Variants in ST3GAL5 observed in about 807,000 individuals in gnomAD.
ST3GAL5 encodes the protein ST3 beta-galactoside alpha-2,3-sialyltransferase 5.
In ST3GAL5, 25 loss-of-function variants were observed where a neutral mutation model predicts 46.1. The observed-to-expected ratio is 0.54, with a 90% CI of 0.40 to 0.76. The LOEUF (loss-of-function observed/expected upper bound fraction) is 0.76. Ranked by LOEUF, ST3GAL5 falls within the 30% of genes least tolerant of loss-of-function variation. The probability of loss-of-function intolerance (pLI) is 0.00; values close to 1 mark genes in which losing one functional copy is unlikely to be tolerated. For missense variants in ST3GAL5, 431 were observed against 521.2 expected, an observed-to-expected ratio of 0.83 and a Z score of 1.69; for synonymous variants, 182 against 192.7, an observed-to-expected ratio of 0.94 and a Z score of 0.46.
At chr2:85,880,402 A>G (rs1264138199) in intron 1 of ST3GAL5, among the ~76,000 whole-genome samples, 1 of 152,268 alleles carries the variant, frequency 6.6e-6, no homozygotes, top group African/African-American at 2.4e-5. Context: ...AAATTCTGGG[A>G]AACCAGCATT....
intron 3 of ST3GAL5, chr2:85,850,322 G>A (rs2103975349): frequency 6.6e-6 from 1 of 152,346 alleles, no homozygotes. Context: ...GGTCTGAGCT[G>A]GCCCAGCAAA....
At chr2:85,874,509 C>A (rs1189621146) in intron 1 of ST3GAL5, among the ~76,000 whole-genome samples, 1 of 152,078 alleles carries the variant, frequency 6.6e-6, no homozygotes, top group Non-Finnish European at 1.5e-5. Context: ...TCCCTCCCCA[C>A]CATCTCCGTT....
rs1046421806 is a variant in ST3GAL5 at position 85,837,458 on chromosome 2, T to C, written c.*2686A>G. ...AAGGGTAGGGGGAAATGAAGAGAGG[T>C]TGATTAATGGGTACAAACATACAGT... On this transcript the variant is annotated 3_prime_UTR_variant, in exon 7 of 7. Coordinates refer to ENST00000638572, the MANE Select transcript of ST3GAL5 (RefSeq NM_003896.4). 6.6e-6 allele frequency: 1 copy of C among 151,574 alleles called. No individual in the cohort carries two copies. Among genetic ancestry groups the C allele is most frequent in the African/African-American group, 2.4e-5 (1 of 41,200 alleles). 9.4% of individuals were successfully genotyped at this position (151,574 alleles called of 1,614,324 possible). A position where few individuals can be genotyped will look rare whatever the true frequency, so the allele number is the denominator to read the frequency against.
chr2:85,861,329 T>C, intron 2 of ST3GAL5, 37 bp from the exon 3 acceptor site: 1 of 1,337,534 alleles, frequency 7.5e-7, no homozygotes, highest in Non-Finnish European at 1.1e-6. Context: ...GATGTAGTCA[T>C]GTGAGAATCA....
At chr2:85,846,766 A>G in intron 4 of ST3GAL5, 1 of 573,776 alleles carries the variant, frequency 1.7e-6, no homozygotes, top group Non-Finnish European at 3.1e-6. Flanking sequence ...GAACACTTGT[A>G]TCTAATCCCT....
chr2:85,868,270 A>G (rs1188200644), intron 1 of ST3GAL5, among the ~76,000 whole-genome samples: 1 of 152,224 alleles, frequency 6.6e-6, no homozygotes, highest in Non-Finnish European at 1.5e-5. Context: ...AATTGCTAGA[A>G]TAACTGTGTC....
chr2:85,858,289 A>G (rs1042947546), intron 3 of ST3GAL5: 2 of 152,226 alleles, frequency 1.3e-5, no homozygotes, highest in Admixed American at 6.6e-5. Flanking sequence ...TCCCTGTCTA[A>G]TGTCTGAATT....
At chr2:85,867,519 C>A (rs527466626) in intron 1 of ST3GAL5, 2 of 774,010 alleles carry the variant, frequency 2.6e-6, no homozygotes, top group African/African-American at 3.4e-5. Context: ...CTGTGGTGGG[C>A]AGGCATATGC....
chr2:85,882,764 C>T (rs182570762), intron 1 of ST3GAL5, among the ~76,000 whole-genome samples: 25 of 147,148 alleles, frequency 1.7e-4, no homozygotes, highest in Non-Finnish European at 3.1e-4. Flanking sequence ...ACCCAGGAGG[C>T]GGAGGTTGCA....
chr2:85,845,549 C>T (rs565419556), intron 5 of ST3GAL5: 4 of 152,360 alleles, frequency 2.6e-5, no homozygotes, highest in East Asian at 3.9e-4. Flanking sequence ...TTAGGTCTGG[C>T]CCATCCATGC....
At chr2:85,853,363 G>A (rs917857365) in intron 3 of ST3GAL5, 7 of 331,524 alleles carry the variant, frequency 2.1e-5, no homozygotes, top group Admixed American at 8.3e-5. Context: ...TAATGAAGGC[G>A]GGGACCAGCG....
chr2:85,863,280 A>T, intron 2 of ST3GAL5, 82 bp downstream of exon 2: 2 of 1,609,014 alleles, frequency 1.2e-6, no homozygotes, highest in Non-Finnish European at 1.7e-6. Flanking sequence ...AGCCATCTTG[A>T]GGGCTCTCAC....
intron 3 of ST3GAL5, among the ~76,000 whole-genome samples, chr2:85,858,742 T>C (rs1401320691): frequency 1.3e-5 from 2 of 152,236 alleles, no homozygotes; most frequent in Non-Finnish European, 2.9e-5. Context: ...AGCTCTGCCA[T>C]TAAGGCCACC....
intron 1 of ST3GAL5, among the ~76,000 whole-genome samples, chr2:85,871,626 A>C (rs910576232): frequency 5.3e-5 from 8 of 152,192 alleles, no homozygotes; most frequent in Non-Finnish European, 1.0e-4. Flanking sequence ...AACCTAAAAA[A>C]ACTTATATCA....
intron 6 of ST3GAL5, 98 bp downstream of exon 6, chr2:85,844,298 C>A: frequency 6.6e-7 from 1 of 1,524,512 alleles, no homozygotes; most frequent in Non-Finnish European, 9.0e-7. Context: ...GGTTTCTCCA[C>A]TGGAGATGCT....
At chr2:85,853,572 C>A (rs372853516) in intron 3 of ST3GAL5, 1 of 162,382 alleles carries the variant, frequency 6.2e-6, no homozygotes, top group South Asian at 1.6e-4. Context: ...TGCCTGGAGA[C>A]GGGATTTTCT....
chr2:85,880,841 T>G, intron 1 of ST3GAL5: 2 of 502,352 alleles, frequency 4.0e-6, no homozygotes, highest in Non-Finnish European at 7.8e-6. Flanking sequence ...AAAAAAAAAC[T>G]CTCATAATCT....
intron 1 of ST3GAL5, among the ~76,000 whole-genome samples, chr2:85,868,593 G>A (rs1479100651): frequency 6.6e-6 from 1 of 150,628 alleles, no homozygotes; most frequent in Non-Finnish European, 1.5e-5. Flanking sequence ...TTACAGTTGT[G>A]AGCCATCATG....
intron 3 of ST3GAL5, chr2:85,851,618 C>T: frequency 7.8e-7 from 1 of 1,289,478 alleles, no homozygotes; most frequent in Non-Finnish European, 1.0e-6. Flanking sequence ...GCATCTGCTT[C>T]AGCTGCTCTC....
Sources: allele counts gnomAD v4.1 joint callset (sites outside exome capture counted in the v4.1 genomes callset), GRCh38; gene constraint gnomAD v4.1.1; transcripts MANE v1.5; gene names NCBI Gene and HGNC (gene_info 2026-07-23, HGNC 2026-07-21).